RELL1: variants seen among roughly 807,000 people sequenced by gnomAD.
RELL1 encodes RELT like 1, also known as RELT-like protein 1.
A neutral mutation model predicts 23.0 loss-of-function variants in RELL1; 10 were observed. The ratio of observed to expected loss-of-function variants is 0.43; its 90% CI spans 0.27 to 0.74. The LOEUF is 0.74. Among genes scored for constraint, RELL1 ranks in the 30% least tolerant of loss-of-function variants. The pLI, the probability that RELL1 is intolerant of heterozygous loss-of-function variation, is 0.19. For synonymous variants in RELL1, 146 were observed against 146.8 expected (o/e 0.99, Z 0.04); for missense variants, 315 against 364.4 (o/e 0.86, Z 1.10).
intron 1 of RELL1, among the ~76,000 whole-genome samples, chr4:37,650,467 G>A (rs972935154): frequency 5.9e-5 from 9 of 152,278 alleles, no homozygotes; most frequent in African/African-American, 2.2e-4. Context: ...GCTCGTATAT[G>A]ATGGCATCAG....
At chr4:37,588,895 CA>C, downstream of RELL1, 1 of 1,612,554 alleles carries the variant, frequency 6.2e-7, no homozygotes, top group Non-Finnish European at 8.5e-7. Flanking sequence ...TAAAATAATA[CA>C]AAGGTAAAGC....
intron 6 of RELL1, among the ~76,000 whole-genome samples, chr4:37,599,298 A>T (rs1195390369): frequency 6.6e-6 from 1 of 152,164 alleles, no homozygotes; most frequent in African/African-American, 2.4e-5. Context: ...GAACGAGGAG[A>T]TGGAAGGAAA....
rs1234103894 is a variant in RELL1, at chr4:37,604,862, CACAGACACACACACACAT to C, written c.*4-13663_*4-13646del. On this transcript the variant is annotated intron_variant, in intron 6 of 6. Coordinates refer to the RELL1 transcript ENST00000314117. ...ACAGACACACACACAGACACACACACACAGACACACACACACATACACACAGACACACACACAGACACA... is the reference window on the plus strand; with the variant it reads ...ACAGACACACACACAGACACACACACACACACAGACACACACACAGACACA... 4.0e-3 allele frequency among the ~76,000 whole-genome samples: 503 copies of C among 126,158 alleles called. 30 individuals carry two copies. The highest frequency in any genetic ancestry group is 5.0e-3 in the Non-Finnish European group (311 of 61,826). The allele number at this position is 126,158 out of a possible 152,430, so 82.8% of individuals were successfully genotyped here.
At chr4:37,597,763 T>G (rs997152111) in intron 6 of RELL1, among the ~76,000 whole-genome samples, 1 of 152,056 alleles carries the variant, frequency 6.6e-6, no homozygotes, top group African/African-American at 2.4e-5. Flanking sequence ...AATTAAAATT[T>G]ACAGGGGCTG....
intron 6 of RELL1, chr4:37,622,799 C>CTTT (rs763432060): frequency 2.7e-3 from 1,054 of 390,948 alleles, no homozygotes; most frequent in South Asian, 5.0e-3. Flanking sequence ...TCAAGTAATG[C>CTTT]TTTTTTTTTT....
intron 6 of RELL1, among the ~76,000 whole-genome samples, chr4:37,629,859 A>G (rs1265930372): frequency 1.3e-5 from 2 of 152,216 alleles, no homozygotes; most frequent in African/African-American, 4.8e-5. Flanking sequence ...AAATGAATGA[A>G]TCACATGGTA....
At chr4:37,626,734 T>C (rs1344021600) in intron 6 of RELL1, among the ~76,000 whole-genome samples, 1 of 152,030 alleles carries the variant, frequency 6.6e-6, no homozygotes. Context: ...TCATTGAAGA[T>C]AAAATGGATA....
At chr4:37,631,602 C>T in intron 5 of RELL1, 79 bp from the exon 6 acceptor site, 2 of 1,495,016 alleles carry the variant, frequency 1.3e-6, no homozygotes, top group Non-Finnish European at 1.8e-6. Context: ...AAATCATCCA[C>T]CCAGAGGATC....
At chr4:37,680,931 C>CAAAAAA (rs397992973) in intron 1 of RELL1, among the ~76,000 whole-genome samples, 2 of 73,624 alleles carry the variant, frequency 2.7e-5, no homozygotes, top group Non-Finnish European at 5.8e-5. Flanking sequence ...CACTCCATCT[C>CAAAAAA]AAAAAAAAAA....
intron 1 of RELL1, among the ~76,000 whole-genome samples, chr4:37,669,499 C>G (rs1202024978): frequency 6.6e-6 from 1 of 151,960 alleles, no homozygotes; most frequent in African/African-American, 2.4e-5. Flanking sequence ...GTGAGGAGCC[C>G]CTCTGCCCGG....
intron 4 of RELL1, 35 bp downstream of exon 4, chr4:37,638,412 G>C (rs370133948): frequency 2.1e-5 from 32 of 1,534,216 alleles, no homozygotes; most frequent in Non-Finnish European, 2.9e-5. Flanking sequence ...TAACTGAAAA[G>C]ATGTCGCACT....
rs998599896 is a variant in RELL1, at chr4:37,685,623, T to C, written c.88+577A>G. Among the ~76,000 whole-genome samples the C allele has an allele frequency of 4.6e-5, 7 of 152,318 alleles. No individual in the cohort carries two copies. The South Asian group carries it at 1.2e-3, about 27-fold the overall frequency. ...AGTTTACCAACGCGCCTTCCCTTTTTCCGAGCCTGATTTATACAGGATATA... is the reference window on the plus strand; with the variant it reads ...AGTTTACCAACGCGCCTTCCCTTTTCCCGAGCCTGATTTATACAGGATATA... On this transcript the variant is annotated intron_variant, in intron 1 of 6. Transcript: ENST00000454158.
intron 1 of RELL1, among the ~76,000 whole-genome samples, chr4:37,671,558 GA>G (rs1357967298): frequency 6.6e-6 from 1 of 152,180 alleles, no homozygotes; most frequent in Non-Finnish European, 1.5e-5. Context: ...ACAGTTTACA[GA>G]TGCCATGGCA....
At position 37,628,830 on chromosome 4, in the gene RELL1, C is replaced by T. The variant is rs73807865; in HGVS notation, c.*3+2555G>A. On this transcript the variant is annotated intron_variant, in intron 6 of 6. Coordinates refer to ENST00000454158, the MANE Select transcript of RELL1 (RefSeq NM_001085400.2). ...ATGTCTTCTGATCAAATCCAATCCT[C>T]GTTTATATAATCCTGTTGAATAACA... 9.4e-3 allele frequency among the ~76,000 whole-genome samples: 1,427 copies of T among 152,316 alleles called. 20 individuals are homozygous for T. The highest frequency in any genetic ancestry group is 0.033 in the African/African-American group (1,375 of 41,560).
rs534553493 is a variant in RELL1, at chr4:37,642,036, G to C, written c.386-3532C>G. ...CCCTGGTCTGTCTGACTCCAGGGTGGGTGCTTTTAACCCTGACATCTTCCT... is the reference window on the plus strand; with the variant it reads ...CCCTGGTCTGTCTGACTCCAGGGTGCGTGCTTTTAACCCTGACATCTTCCT... On this transcript the variant is annotated intron_variant, in intron 3 of 6. Transcript: ENST00000454158. 2.5e-3 allele frequency among the ~76,000 whole-genome samples: 385 copies of C among 152,206 alleles called. 4 individuals are homozygous for C. The highest frequency in any genetic ancestry group is 4.5e-3 in the Non-Finnish European group (305 of 68,012).
chr4:37,607,036 A>G (rs893485111), downstream of RELL1, among the ~76,000 whole-genome samples: 2 of 152,102 alleles, frequency 1.3e-5, no homozygotes, highest in African/African-American at 4.8e-5. Flanking sequence ...CTTATGCAAA[A>G]CCTCCGTCTA....
At chr4:37,680,888 C>G (rs1318164766) in intron 1 of RELL1, among the ~76,000 whole-genome samples, 2 of 146,818 alleles carry the variant, frequency 1.4e-5, no homozygotes, top group Non-Finnish European at 3.0e-5. Context: ...GCTGAGATCG[C>G]GCCGCTGCAC....
chr4:37,677,223 G>A (rs190466146), intron 1 of RELL1, among the ~76,000 whole-genome samples: 3 of 152,216 alleles, frequency 2.0e-5, no homozygotes, highest in Admixed American at 6.5e-5. Flanking sequence ...GTAGATCAAG[G>A]AAACCTGCCA....
At chr4:37,590,032 G>T, downstream of RELL1, 1 of 1,280,472 alleles carries the variant, frequency 7.8e-7, no homozygotes. Context: ...AGGGCCTGTG[G>T]TAAAAAGCAT....
Sources: gnomAD v4.1 joint callset for allele counts (sites outside exome capture counted in the v4.1 genomes callset) on GRCh38, gnomAD v4.1.1 for gene constraint, MANE v1.5 for transcripts, NCBI Gene and HGNC (gene_info 2026-07-23, HGNC 2026-07-21) for gene names.